Variants in FAM186A observed in about 807,000 individuals in gnomAD.
FAM186A encodes the protein protein FAM186A.
Under a neutral mutation model 216.8 loss-of-function variants are expected in FAM186A, and 163 were observed. The observed-to-expected ratio is 0.75, with a 90% confidence interval of 0.66 to 0.86. FAM186A has a LOEUF of 0.86. Among genes scored for constraint, FAM186A ranks in the 40% least tolerant of loss-of-function variants. FAM186A has a pLI of 0.00. For missense variants in FAM186A, 2,184 were observed against 2,746.2 expected (o/e 0.80, Z 4.58); for synonymous variants, 805 against 1,025.3 (o/e 0.79, Z 4.10).
In FAM186A at chr12:50,347,091, C is replaced by T. The variant is rs117464502; in HGVS notation, c.6503+3238G>A. Among the ~76,000 whole-genome samples the T allele has an allele frequency of 6.5e-4, 99 of 151,944 alleles. 1 individual carries two copies. In the East Asian group the frequency reaches 0.019, roughly 29 times the overall value. ...TAGGTTTTGCTATTTTAACAAAACTCCCAAGCCTCAGTGGCTTAAAACAAC... is the reference window on the plus strand; with the variant it reads ...TAGGTTTTGCTATTTTAACAAAACTTCCAAGCCTCAGTGGCTTAAAACAAC... On this transcript the variant is annotated intron_variant, in intron 4 of 7. Transcript: ENST00000327337.
chr12:50,389,238 C>T (rs1415978878), intron 1 of FAM186A, among the ~76,000 whole-genome samples: 4 of 151,724 alleles, frequency 2.6e-5, no homozygotes, highest in Middle Eastern at 3.4e-3. Flanking sequence ...CTGTGGCTCA[C>T]TCCTGTAATC....
At chr12:50,345,422 C>T (rs4768872) in intron 4 of FAM186A, among the ~76,000 whole-genome samples, 98,093 of 151,906 alleles carry the variant, frequency 0.65, 32,141 homozygotes, top group East Asian at 0.74. Context: ...TAAATAAAAA[C>T]AAAAAAAGAA....
chr12:50,394,927 G>A (rs1943399095), intron 1 of FAM186A, among the ~76,000 whole-genome samples: 1 of 150,732 alleles, frequency 6.6e-6, no homozygotes, highest in Admixed American at 6.6e-5. Context: ...ACAGGGTCTT[G>A]CTTTGTTGCC....
chr12:50,384,581 C>T (rs886881357), intron 1 of FAM186A, among the ~76,000 whole-genome samples: 4 of 152,102 alleles, frequency 2.6e-5, no homozygotes, highest in Non-Finnish European at 5.9e-5. Flanking sequence ...CAGTGTGGTA[C>T]TAGCATAAAA....
At chr12:50,373,458 A>C (rs1943169006) in intron 1 of FAM186A, among the ~76,000 whole-genome samples, 1 of 152,202 alleles carries the variant, frequency 6.6e-6, no homozygotes, top group African/African-American at 2.4e-5. Context: ...AAAAAGTTGA[A>C]GAGGAAGGAG....
intron 1 of FAM186A, among the ~76,000 whole-genome samples, chr12:50,367,242 G>A (rs1943098167): frequency 6.6e-6 from 1 of 152,076 alleles, no homozygotes; most frequent in Admixed American, 6.6e-5. Flanking sequence ...ATAAAGGCCA[G>A]ACACGGTGCC....
intron 4 of FAM186A, among the ~76,000 whole-genome samples, chr12:50,346,916 G>GCACACACA (rs140403986): frequency 4.2e-5 from 6 of 143,702 alleles, no homozygotes; most frequent in African/African-American, 1.5e-4. Flanking sequence ...GGTCACACAT[G>GCACACACA]CACACACACA....
At chr12:50,358,892 C>T (rs546182880) in intron 3 of FAM186A, among the ~76,000 whole-genome samples, 6 of 137,246 alleles carry the variant, frequency 4.4e-5, no homozygotes, top group African/African-American at 1.6e-4. Flanking sequence ...CACTGCACTC[C>T]AACCTGGGCG....
At chr12:50,346,262 A>AAAGT (rs1565881714) in intron 4 of FAM186A, among the ~76,000 whole-genome samples, 8 of 150,790 alleles carry the variant, frequency 5.3e-5, no homozygotes, top group East Asian at 2.0e-4. Flanking sequence ...AGAAAGAAAG[A>AAAGT]AAGTCATACA....
Position 50,351,453 on chromosome 12 carries a change from C to T in FAM186A, c.5379G>A (p.Gln1793=). The T allele has an allele frequency of 2.0e-6, 3 of 1,473,770 alleles. No individual in the cohort carries two copies. In the South Asian group the frequency reaches 4.3e-5, roughly 21 times the overall value. The allele number at this position is 1,473,770 out of a possible 1,614,324, so 91.3% of individuals were successfully genotyped here. Residue 1793 remains glutamine, a synonymous_variant, in exon 4 of 8, where the codon CAG becomes CAA. Coordinates refer to ENST00000327337, the MANE Select transcript of FAM186A (RefSeq NM_001145475.3). ...LSEPGKLGAP[Q]TLRSSGQTLV... ...GGGTCTGTCCAGAGGAACGAAGAGT[C>T]TGTGGTGCCCCAAGCTTCCCAGGCT...
chr12:50,388,663 G>A (rs530930594), intron 1 of FAM186A, among the ~76,000 whole-genome samples: 23 of 151,356 alleles, frequency 1.5e-4, no homozygotes, highest in Non-Finnish European at 2.7e-4. Context: ...TGTCAACTAA[G>A]TGACAGTTGA....
chr12:50,367,267 C>T (rs1393855113), intron 1 of FAM186A, among the ~76,000 whole-genome samples: 1 of 151,988 alleles, frequency 6.6e-6, no homozygotes, highest in Admixed American at 6.6e-5. Context: ...GCCTGTAATC[C>T]TAGCACTTTG....
chr12:50,334,338 A>AT (rs1463731165), intron 4 of FAM186A, among the ~76,000 whole-genome samples: 17 of 151,758 alleles, frequency 1.1e-4, no homozygotes, highest in African/African-American at 3.9e-4. Context: ...TGCCCAGCTA[A>AT]TTTTTGTATT....
At chr12:50,335,100 A>G (rs1176403038) in intron 4 of FAM186A, among the ~76,000 whole-genome samples, 1 of 151,882 alleles carries the variant, frequency 6.6e-6, no homozygotes, top group Non-Finnish European at 1.5e-5. Flanking sequence ...CGTCTCTGCA[A>G]AATAAAAATA....
In FAM186A at chr12:50,350,855, C is replaced by A. The variant is rs556022026; in HGVS notation, c.5977G>T (p.Val1993Phe). 5 of 1,551,658 alleles carry A rather than the reference C, an allele frequency of 3.2e-6. No individual in the cohort carries two copies. Among genetic ancestry groups the A allele is most frequent in the Non-Finnish European group, 2.6e-6 (3 of 1,146,990 alleles). Residue 1993 changes from valine to phenylalanine, a missense_variant, in exon 4 of 8, where the codon GTC becomes TTC. Around this residue, in one of 7 missense-constraint regions of FAM186A, gnomAD observed 721 missense variants for 816.4 expected, o/e 0.88. Transcript: ENST00000327337. Reference protein sequence around the residue: ...FTTKKFQMSEVSDTSEETQIL... With the variant: ...FTTKKFQMSEFSDTSEETQIL... ...TGGGTTTCTTCGGAAGTGTCAGAGA[C>A]CTCCGACATTTGGAACTTCTTAGTG...
chr12:50,383,901 C>T (rs1453762894), intron 1 of FAM186A, among the ~76,000 whole-genome samples: 20 of 152,014 alleles, frequency 1.3e-4, no homozygotes, highest in African/African-American at 4.3e-4. Context: ...AGGCGGATCA[C>T]GAAGCCAGGA....
At position 50,355,847 on chromosome 12, in the gene FAM186A, G is replaced by A. The variant is rs1942970242; in HGVS notation, c.985C>T (p.Gln329Ter). Reference protein sequence around the residue: ...KLQDAEEKCEQLIRSKIVIEQ... With the variant: ...KLQDAEEKCE ...ATAACAATTTTGGATCGAATAAGTT[G>A]TTCACATTTTTCTTCTGCATCTTGA... The change falls in exon 4 of 8, where the codon CAA (glutamine) becomes TAA (stop). Residue 329 changes from glutamine (Q) to a stop codon, truncating the protein, a stop_gained. Transcript: ENST00000327337. LOFTEE classifies it high-confidence loss of function. 4 of 1,551,050 alleles carry A rather than the reference G, an allele frequency of 2.6e-6. No individual in the cohort carries two copies. Among genetic ancestry groups the A allele is most frequent in the Admixed American group, 3.9e-5 (2 of 50,918 alleles).
At chr12:50,334,428 C>T (rs1472388809) in intron 4 of FAM186A, among the ~76,000 whole-genome samples, 1 of 150,970 alleles carries the variant, frequency 6.6e-6, no homozygotes, top group Admixed American at 6.6e-5. Flanking sequence ...CCTTGTCCTC[C>T]CAAAGTGCTG....
intron 1 of FAM186A, among the ~76,000 whole-genome samples, chr12:50,384,603 A>G (rs1241660189): frequency 6.6e-6 from 1 of 152,170 alleles, no homozygotes; most frequent in African/African-American, 2.4e-5. Context: ...CAGATACATT[A>G]GACCAATGGA....
Sources: gnomAD v4.1 joint callset for allele counts (sites outside exome capture counted in the v4.1 genomes callset) on GRCh38, gnomAD v4.1.1 for gene constraint, gnomAD v4.1.1 regional missense constraint, MANE v1.5 for transcripts, NCBI Gene and HGNC (gene_info 2026-07-23, HGNC 2026-07-21) for gene names.